Variants in VPS13B observed in about 807,000 individuals in gnomAD.
VPS13B encodes vacuolar protein sorting 13 homolog B.
Under a neutral mutation model 426.4 loss-of-function variants are expected in VPS13B, and 285 were observed. The observed-to-expected ratio is 0.67, with a 90% CI of 0.61 to 0.74. The LOEUF (loss-of-function observed/expected upper bound fraction) is 0.74, where lower values mean the gene tolerates loss of function less well. Among genes scored for constraint, VPS13B ranks in the 30% least tolerant of loss-of-function variants. The pLI is 0.00. For missense variants in VPS13B, 4,537 were observed against 4,782.6 expected, an observed-to-expected ratio of 0.95 and a Z score of 1.51; for synonymous variants, 1,676 against 1,676.4, an observed-to-expected ratio of 1.00 and a Z score of 0.01.
At chr8:99,321,489 T>C (rs1165196433) in intron 19 of VPS13B, among the ~76,000 whole-genome samples, 1 of 152,186 alleles carries the variant, frequency 6.6e-6, no homozygotes, top group Non-Finnish European at 1.5e-5. Flanking sequence ...ATTACAGGCA[T>C]GAGCCGTCGT....
intron 2 of VPS13B, among the ~76,000 whole-genome samples, chr8:99,036,038 T>C (rs1842729748): frequency 6.6e-6 from 1 of 152,200 alleles, no homozygotes; most frequent in African/African-American, 2.4e-5. Context: ...CTTGTTTATA[T>C]ATTCTAGATA....
chr8:99,053,883 T>C (rs1054669077), intron 3 of VPS13B, among the ~76,000 whole-genome samples: 5 of 152,124 alleles, frequency 3.3e-5, no homozygotes, highest in African/African-American at 4.8e-5. Context: ...TTATATTTTT[T>C]AGTAGAGACT....
At chr8:99,262,115 A>G (rs775662490) in intron 17 of VPS13B, among the ~76,000 whole-genome samples, 1 of 152,152 alleles carries the variant, frequency 6.6e-6, no homozygotes, top group Non-Finnish European at 1.5e-5. Context: ...TTAAGCTCTT[A>G]CTGTACAGAC....
chr8:99,170,268 A>G, intron 16 of VPS13B, 105 bp downstream of exon 16: 2 of 1,400,636 alleles, frequency 1.4e-6, no homozygotes, highest in South Asian at 1.2e-5. Context: ...TTTATACAAA[A>G]CTTTAGAAAA....
chr8:99,080,579 T>C (rs1055549980), intron 3 of VPS13B, among the ~76,000 whole-genome samples: 2 of 152,178 alleles, frequency 1.3e-5, no homozygotes, highest in South Asian at 2.1e-4. Context: ...CTCTGTTCCA[T>C]TGGCTTGTTT....
chr8:99,428,372 T>G (rs557757565), intron 21 of VPS13B, among the ~76,000 whole-genome samples: 1 of 152,110 alleles, frequency 6.6e-6, no homozygotes, highest in African/African-American at 2.4e-5. Context: ...GGAAGAAAAT[T>G]TTTGCAATCT....
intron 48 of VPS13B, 150 bp from the exon 49 acceptor site, chr8:99,819,771 T>G: frequency 8.0e-7 from 1 of 1,246,956 alleles, no homozygotes; most frequent in Non-Finnish European, 1.1e-6. Flanking sequence ...GAAAAGTTGC[T>G]TTCTCCTGCA....
intron 36 of VPS13B, among the ~76,000 whole-genome samples, chr8:99,706,928 G>A (rs1014760216): frequency 4.6e-5 from 7 of 152,124 alleles, no homozygotes; most frequent in African/African-American, 1.7e-4. Context: ...GAAATTGCCC[G>A]CTTGTCCATA....
At chr8:99,268,273 C>T (rs949251586) in intron 17 of VPS13B, among the ~76,000 whole-genome samples, 2 of 152,188 alleles carry the variant, frequency 1.3e-5, no homozygotes, top group African/African-American at 4.8e-5. Flanking sequence ...CCTACTGGGG[C>T]ACTGCCTACT....
chr8:99,437,077 A>G (rs1279387181), intron 22 of VPS13B, among the ~76,000 whole-genome samples: 1 of 152,190 alleles, frequency 6.6e-6, no homozygotes, highest in Non-Finnish European at 1.5e-5. Flanking sequence ...GAGCCAAAAT[A>G]TAAAACAGAA....
chr8:99,461,539 A>T (rs999211405), intron 23 of VPS13B, among the ~76,000 whole-genome samples: 2 of 151,536 alleles, frequency 1.3e-5, no homozygotes, highest in African/African-American at 4.9e-5. Context: ...AGCTAGATAA[A>T]TTTTTTTTTA....
intron 23 of VPS13B, among the ~76,000 whole-genome samples, chr8:99,453,733 T>A (rs1818314736): frequency 6.6e-6 from 1 of 152,198 alleles, no homozygotes; most frequent in African/African-American, 2.4e-5. Context: ...TAGACTATTT[T>A]TTTAAAGCAG....
At chr8:99,595,998 T>A (rs1826991090) in intron 33 of VPS13B, among the ~76,000 whole-genome samples, 1 of 151,650 alleles carries the variant, frequency 6.6e-6, no homozygotes, top group Non-Finnish European at 1.5e-5. Context: ...TCAAAAAAAG[T>A]CAAATAATAA....
At chr8:99,470,661 A>G (rs1010285851) in intron 24 of VPS13B, among the ~76,000 whole-genome samples, 2 of 151,982 alleles carry the variant, frequency 1.3e-5, no homozygotes, top group Non-Finnish European at 2.9e-5. Context: ...TAGAATAGAA[A>G]AGTCGAATAT....
chr8:99,099,755 GA>G (rs1426877770), intron 4 of VPS13B, among the ~76,000 whole-genome samples: 2 of 152,164 alleles, frequency 1.3e-5, no homozygotes, highest in Non-Finnish European at 2.9e-5. Context: ...TTGTAAAAAG[GA>G]GGAAGAACAC....
intron 33 of VPS13B, among the ~76,000 whole-genome samples, chr8:99,595,089 T>G (rs1178408842): frequency 6.6e-6 from 1 of 152,014 alleles, no homozygotes; most frequent in Non-Finnish European, 1.5e-5. Context: ...GTATGGTTAG[T>G]GACCCATATA....
At position 99,020,163 on chromosome 8, in the gene VPS13B, T is replaced by A. The variant is rs200130810; in HGVS notation, c.147+6228T>A. On this transcript the variant is annotated intron_variant, in intron 2 of 61. Coordinates refer to ENST00000357162, the MANE Select transcript of VPS13B (RefSeq NM_152564.5). ...TGTTGTTTTACGTGTTTTTTTTTTTTAAATATAGCTATCCTAATGGGTATG... is the reference window on the plus strand; with the variant it reads ...TGTTGTTTTACGTGTTTTTTTTTTTAAAATATAGCTATCCTAATGGGTATG... Among the ~76,000 whole-genome samples, 514 of 141,616 alleles carry A rather than the reference T, an allele frequency of 3.6e-3. 3 individuals are homozygous for A. The highest frequency in any genetic ancestry group is 5.6e-3 in the Non-Finnish European group (361 of 64,092). The allele number at this position is 141,616 out of a possible 152,430, so 92.9% of individuals were successfully genotyped here. A position where few individuals can be genotyped will look rare whatever the true frequency, so the allele number is the denominator to read the frequency against.
chr8:99,151,096 T>C (rs71516825), intron 14 of VPS13B, among the ~76,000 whole-genome samples: 1 of 147,736 alleles, frequency 6.8e-6, no homozygotes, highest in African/African-American at 2.5e-5. Context: ...TGTAATGGTG[T>C]CTTATTGTTT....
chr8:99,729,737 T>C (rs1332263902), intron 39 of VPS13B, among the ~76,000 whole-genome samples: 2 of 152,264 alleles, frequency 1.3e-5, no homozygotes, highest in Non-Finnish European at 2.9e-5. Context: ...ATATTTTATC[T>C]ACTACTTGTC....
Sources: allele counts gnomAD v4.1 joint callset (sites outside exome capture counted in the v4.1 genomes callset), GRCh38; gene constraint gnomAD v4.1.1; transcripts MANE v1.5; gene names NCBI Gene and HGNC (gene_info 2026-07-23, HGNC 2026-07-21).